WDR88: variants seen among roughly 807,000 people sequenced by gnomAD.
The protein encoded by WDR88 is WD repeat domain 88, also known as WD repeat-containing protein 88.
In WDR88, 40 loss-of-function variants were observed where a neutral mutation model predicts 46.8. That is an observed-to-expected ratio of 0.86 (90% CI 0.66 to 1.11). The LOEUF is 1.11. Ranked by LOEUF, WDR88 falls within the 50% of genes most tolerant of loss-of-function variation. WDR88 has a pLI of 0.00. For missense variants in WDR88, 562 were observed against 602.4 expected (o/e 0.93, Z 0.70); for synonymous variants, 235 against 240.7 (o/e 0.98, Z 0.22).
intron 8 of WDR88, among the ~76,000 whole-genome samples, chr19:33,162,539 A>G (rs1973886638): frequency 6.6e-6 from 1 of 151,966 alleles, no homozygotes; most frequent in African/African-American, 2.4e-5. Context: ...GTACCCAAAG[A>G]AAACACCCCA....
rs142858888 is a variant in WDR88, at chr19:33,151,096, G to A, written c.680-85G>A. 103 of 1,472,538 alleles carry A rather than the reference G, an allele frequency of 7.0e-5. 1 individual carries two copies. The East Asian group carries it at 1.9e-3, about 27-fold the overall frequency. 91.2% of individuals were successfully genotyped at this position (1,472,538 alleles called of 1,614,324 possible). ...AAAACTGGAATTGTGTTTTGTAATC[G>A]TCACTGGCTGGGGAAGTCGTGGGAG... is the stretch of plus-strand genomic sequence containing the variant. On this transcript the variant is annotated intron_variant, in intron 5 of 10. Coordinates refer to ENST00000355868, the MANE Select transcript of WDR88 (RefSeq NM_173479.4).
At chr19:33,149,341 C>CAAAA (rs1236921123) in intron 5 of WDR88, among the ~76,000 whole-genome samples, 1 of 146,194 alleles carries the variant, frequency 6.8e-6, no homozygotes, top group African/African-American at 2.8e-5. Context: ...AACAAACAAA[C>CAAAA]AAAAAACAAA....
chr19:33,149,887 T>C (rs531725246), intron 5 of WDR88, among the ~76,000 whole-genome samples: 124 of 152,194 alleles, frequency 8.1e-4, no homozygotes, highest in African/African-American at 2.9e-3. Flanking sequence ...CTCGAGCTCC[T>C]GACCTCAGGT....
chr19:33,171,836 C>A (rs7250201), intron 9 of WDR88, among the ~76,000 whole-genome samples: 3 of 152,122 alleles, frequency 2.0e-5, no homozygotes, highest in Non-Finnish European at 4.4e-5. Context: ...TGCAGTGGTG[C>A]GATCTTGGCT....
chr19:33,163,109 A>G (rs1189066126), intron 8 of WDR88, among the ~76,000 whole-genome samples: 1 of 152,084 alleles, frequency 6.6e-6, no homozygotes, highest in Non-Finnish European at 1.5e-5. Context: ...CGAGGCAGGC[A>G]GATCACGAAG....
At chr19:33,137,378 G>C (rs754565017) in intron 1 of WDR88, among the ~76,000 whole-genome samples, 1 of 151,198 alleles carries the variant, frequency 6.6e-6, no homozygotes, top group Non-Finnish European at 1.5e-5. Flanking sequence ...CTCAGCCTCC[G>C]AGTAGCTGGG....
chr19:33,135,392 A>G (rs1973242353), intron 1 of WDR88, among the ~76,000 whole-genome samples: 1 of 152,066 alleles, frequency 6.6e-6, no homozygotes. Flanking sequence ...TTTCATTACC[A>G]AGTAATATTC....
chr19:33,162,415 A>G (rs975363487), intron 8 of WDR88, among the ~76,000 whole-genome samples: 5 of 151,480 alleles, frequency 3.3e-5, no homozygotes, highest in Non-Finnish European at 7.4e-5. Context: ...GTGTTTCACC[A>G]TGTTAGCCAG....
At chr19:33,137,324 G>A (rs1973290082) in intron 1 of WDR88, among the ~76,000 whole-genome samples, 1 of 150,700 alleles carries the variant, frequency 6.6e-6, no homozygotes. Context: ...TGCAATCTTG[G>A]CTCACTGCAA....
At chr19:33,175,325 A>C (rs1446371185) in intron 10 of WDR88, 71 bp from the exon 11 acceptor site, 1 of 1,500,146 alleles carries the variant, frequency 6.7e-7, no homozygotes, top group African/African-American at 1.4e-5. Flanking sequence ...AGCTGGGAGA[A>C]TTCTAATGGC....
chr19:33,167,327 T>G (rs1368344431), intron 9 of WDR88, among the ~76,000 whole-genome samples: 2 of 152,008 alleles, frequency 1.3e-5, no homozygotes, highest in South Asian at 2.1e-4. Context: ...TCATTTCAAC[T>G]GACACAGAAA....
At chr19:33,135,061 G>T (rs1973233449) in intron 1 of WDR88, among the ~76,000 whole-genome samples, 1 of 151,716 alleles carries the variant, frequency 6.6e-6, no homozygotes, top group African/African-American at 2.4e-5. Context: ...GTGGGTGGGG[G>T]GGGTGACATC....
chr19:33,163,379 C>T (rs1973901625), intron 8 of WDR88, among the ~76,000 whole-genome samples: 1 of 151,866 alleles, frequency 6.6e-6, no homozygotes, highest in Admixed American at 6.6e-5. Context: ...ACCTGTAATC[C>T]CAGCTACTTG....
chr19:33,160,952 A>T (rs1216256400), intron 8 of WDR88, among the ~76,000 whole-genome samples: 2 of 151,912 alleles, frequency 1.3e-5, no homozygotes, highest in Non-Finnish European at 2.9e-5. Context: ...TGGGCGGATC[A>T]CCTGAGGTCA....
At chr19:33,137,911 G>A (rs1973308346) in intron 2 of WDR88, 124 bp downstream of exon 2, 4 of 750,534 alleles carry the variant, frequency 5.3e-6, no homozygotes, top group African/African-American at 1.8e-5. Flanking sequence ...CAGGTCTTCT[G>A]AGCAAAGTGC....
chr19:33,154,330 G>GC (rs1352567984), intron 6 of WDR88, among the ~76,000 whole-genome samples: 2 of 152,058 alleles, frequency 1.3e-5, no homozygotes, highest in Non-Finnish European at 2.9e-5. Context: ...TAGGTTTTAA[G>GC]CCCCGCATGT....
intron 10 of WDR88, among the ~76,000 whole-genome samples, 184 bp from the exon 11 acceptor site, chr19:33,175,212 G>A (rs568850548): frequency 6.6e-6 from 1 of 151,812 alleles, no homozygotes; most frequent in African/African-American, 2.4e-5. Context: ...TCCAGCCTGG[G>A]CAACAAAGTG....
At chr19:33,151,415 C>T in intron 6 of WDR88, 105 bp downstream of exon 6, 1 of 1,428,414 alleles carries the variant, frequency 7.0e-7, no homozygotes, top group South Asian at 1.4e-5. Context: ...ACGTCTGTAG[C>T]TTGGTCATAG....
At chr19:33,160,919 C>G (rs1802936803) in intron 8 of WDR88, among the ~76,000 whole-genome samples, 1 of 152,134 alleles carries the variant, frequency 6.6e-6, no homozygotes, top group Non-Finnish European at 1.5e-5. Context: ...CTCCTGTAAT[C>G]CCAGTACTTT....
Sources: allele counts gnomAD v4.1 joint callset (sites outside exome capture counted in the v4.1 genomes callset), GRCh38; gene constraint gnomAD v4.1.1; transcripts MANE v1.5; gene names NCBI Gene and HGNC (gene_info 2026-07-23, HGNC 2026-07-21).